ATG16L2: variants seen among roughly 807,000 people sequenced by gnomAD.
ATG16L2 encodes autophagy related 16 like 2.
In ATG16L2, 77 loss-of-function variants were observed where a neutral mutation model predicts 84.7. The ratio of observed to expected loss-of-function variants is 0.91; its 90% CI spans 0.76 to 1.10. ATG16L2 has a LOEUF of 1.10. Among genes scored for constraint, ATG16L2 ranks in the 50% least tolerant of loss-of-function variants. The pLI is 0.00. For missense variants in ATG16L2, 782 were observed against 817.6 expected, an observed-to-expected ratio of 0.96 and a Z score of 0.53; for synonymous variants, 361 against 342.8, an observed-to-expected ratio of 1.05 and a Z score of -0.59.
At chr11:72,829,172 G>A in intron 17 of ATG16L2, 131 bp from the exon 18 acceptor site, 1 of 1,157,862 alleles carries the variant, frequency 8.6e-7, no homozygotes, top group Non-Finnish European at 1.2e-6. Context: ...AGCCCTGTGA[G>A]CTAACTTGAC....
rs745962549 is a variant in ATG16L2, at chr11:72,826,783, C to T, written c.1326C>T (p.Arg442=). 1.1e-5 allele frequency: 18 copies of T among 1,613,936 alleles called. No individual in the cohort carries two copies. The highest frequency in any genetic ancestry group is 1.7e-5 in the Admixed American group (1 of 60,000). Residue 442 remains arginine, a synonymous_variant, in exon 13 of 18, where the codon CGC becomes CGT. Transcript: ENST00000321297. ...LTRHQAVTGS[R]DRTVKEWDLG... The stretch of plus-strand genomic sequence containing the variant: ...GGCACCAGGCAGTGACTGGGAGCCG[C>T]GACCGGACAGTGAAGGAGTGGGACC...
At chr11:72,838,796 C>T in intron 5 of ATG16L2, 1 of 1,600,898 alleles carries the variant, frequency 6.2e-7, no homozygotes, top group Non-Finnish European at 8.5e-7. Flanking sequence ...CATCATCACA[C>T]CAGTGTGATT....
downstream of ATG16L2, among the ~76,000 whole-genome samples, chr11:72,833,964 C>G (rs1860662255): frequency 6.6e-6 from 1 of 150,468 alleles, no homozygotes; most frequent in Non-Finnish European, 1.5e-5. Flanking sequence ...TATTCCCAGA[C>G]CAGAGCTCTC....
intron 5 of ATG16L2, chr11:72,839,011 C>G: frequency 1.5e-6 from 1 of 672,600 alleles, no homozygotes. Context: ...CACGTGCTTT[C>G]AACCTAGTCT....
At chr11:72,842,222 G>A (rs1411598791) in intron 5 of ATG16L2, among the ~76,000 whole-genome samples, 1 of 152,206 alleles carries the variant, frequency 6.6e-6, no homozygotes, top group Non-Finnish European at 1.5e-5. Context: ...GGCAGGACCT[G>A]GACTAGGCAA....
downstream of ATG16L2, among the ~76,000 whole-genome samples, chr11:72,832,814 G>A (rs982079429): frequency 4.6e-5 from 7 of 152,212 alleles, no homozygotes; most frequent in African/African-American, 1.7e-4. Flanking sequence ...CAAAGGGGCT[G>A]GCCAGGGCTT....
At chr11:72,828,638 C>T in intron 15 of ATG16L2, 91 bp from the exon 16 acceptor site, 5 of 1,594,360 alleles carry the variant, frequency 3.1e-6, no homozygotes, top group Non-Finnish European at 4.3e-6. Context: ...GGTACCAAAC[C>T]CCTCGACAAA....
At chr11:72,821,187 T>A (rs907873797) in intron 3 of ATG16L2, 1 of 984,026 alleles carries the variant, frequency 1.0e-6, no homozygotes, top group African/African-American at 1.7e-5. Flanking sequence ...GTCGGTGTCC[T>A]TGTCTGTGAA....
intron 14 of ATG16L2, 80 bp from the exon 15 acceptor site, chr11:72,828,279 G>A: frequency 1.3e-6 from 2 of 1,541,402 alleles, no homozygotes; most frequent in Non-Finnish European, 1.8e-6. Context: ...AGCTAGGAAG[G>A]CTGCTGCGCC....
intron 5 of ATG16L2, chr11:72,838,810 A>C (rs1405386501): frequency 6.2e-7 from 1 of 1,605,594 alleles, no homozygotes; most frequent in East Asian, 2.2e-5. Context: ...TGTGATTTCC[A>C]CATCTTCAAT....
At chr11:72,826,367 C>T (rs1860355117) in intron 11 of ATG16L2, 124 bp downstream of exon 11, 7 of 1,422,712 alleles carry the variant, frequency 4.9e-6, no homozygotes, top group Non-Finnish European at 6.7e-6. Context: ...TGGGCTCTTA[C>T]ACAGATCCTC....
chr11:72,829,100 G>A (rs558234726), intron 17 of ATG16L2, 116 bp downstream of exon 17: 174 of 1,179,922 alleles, frequency 1.5e-4, no homozygotes, highest in Non-Finnish European at 2.0e-4. Context: ...CCTTCCACCC[G>A]ACCAGAGCCC....
In ATG16L2 at chr11:72,822,145, C is replaced by T. The variant is rs1439072715; in HGVS notation, c.494C>T (p.Ala165Val). 6.7e-6 allele frequency: 10 copies of T among 1,499,570 alleles called. No individual in the cohort carries two copies. The highest frequency in any genetic ancestry group is 1.3e-5 in the South Asian group (1 of 79,230). The allele number at this position is 1,499,570 out of a possible 1,614,324, so 92.9% of individuals were successfully genotyped here. A position where few individuals can be genotyped will look rare whatever the true frequency, so the allele number is the denominator to read the frequency against. ...CGGGCGCAGAATGCGGTGCAGCGGGCAGCCTACGAGGCGCTGCGCGCGCAC... is the reference window on the plus strand; with the variant it reads ...CGGGCGCAGAATGCGGTGCAGCGGGTAGCCTACGAGGCGCTGCGCGCGCAC... ...EWRAQNAVQR[A>V]AYEALRAHVG... is the part of the protein sequence containing the mutation. The change falls in exon 5 of 18, where the codon GCA (alanine) becomes GTA (valine). Residue 165 changes from alanine to valine, a missense_variant. Coordinates refer to ENST00000321297, the MANE Select transcript of ATG16L2 (RefSeq NM_033388.2). This position sits in a 1 kb window ranked among gnomAD's most constrained non-coding sequence, Gnocchi z 4.2.
intron 1 of ATG16L2, chr11:72,815,778 T>G (rs1234992855): frequency 1.3e-5 from 2 of 151,942 alleles, no homozygotes; most frequent in African/African-American, 4.8e-5. Context: ...GGAAGGAAGT[T>G]GATGAGGAGG....
intron 3 of ATG16L2, among the ~76,000 whole-genome samples, chr11:72,820,637 C>T (rs1328670058): frequency 6.6e-6 from 1 of 152,212 alleles, no homozygotes; most frequent in Non-Finnish European, 1.5e-5. Context: ...TCACATAGCG[C>T]GTCATGTCAG....
chr11:72,822,551 T>A lies in ATG16L2; in HGVS notation c.710+8T>A. The A allele has an allele frequency of 6.2e-7, 1 of 1,610,876 alleles. No individual in the cohort carries two copies. The highest frequency in any genetic ancestry group is 8.5e-7 in the Non-Finnish European group (1 of 1,178,858). On this transcript the variant is annotated splice_region_variant and intron_variant, in intron 6 of 17. Coordinates refer to ENST00000321297, the MANE Select transcript of ATG16L2 (RefSeq NM_033388.2). The surrounding 1 kb of genome is among the most constrained non-coding windows in gnomAD (Gnocchi z 4.2). ...GACCGTGAGCATCAGCGAGTAAGAG[T>A]GGGGATGGGCCGGTCCGACCCTTGC... is the stretch of plus-strand genomic sequence containing the variant.
At chr11:72,816,244 C>G (rs568533603) in intron 1 of ATG16L2, 3 of 153,320 alleles carry the variant, frequency 2.0e-5, no homozygotes, top group Admixed American at 6.5e-5. Flanking sequence ...CCTCCCAGAG[C>G]GCTGGGAATT....
In ATG16L2 at chr11:72,822,720, C is replaced by G. The variant is rs992814859; in HGVS notation, c.711-128C>G. On this transcript the variant is annotated intron_variant, in intron 6 of 17. Coordinates refer to ENST00000321297, the MANE Select transcript of ATG16L2 (RefSeq NM_033388.2). This position sits in a 1 kb window ranked among gnomAD's most constrained non-coding sequence, Gnocchi z 4.2. ...TGGTCGTAGGAGCCTGCATGCGTGA[C>G]CGCTGCACGTGTACACCCACACAGA... is the stretch of plus-strand genomic sequence containing the variant. 8 of 1,025,192 alleles carry G rather than the reference C, an allele frequency of 7.8e-6. No individual in the cohort carries two copies. The Admixed American group carries it at 1.9e-4, about 25-fold the overall frequency. The allele number at this position is 1,025,192 out of a possible 1,614,324, so 63.5% of individuals were successfully genotyped here. A position where few individuals can be genotyped will look rare whatever the true frequency, so the allele number is the denominator to read the frequency against.
intron 7 of ATG16L2, 199 bp from the exon 8 acceptor site, chr11:72,823,861 A>C: frequency 1.3e-6 from 1 of 746,604 alleles, no homozygotes; most frequent in Non-Finnish European, 2.5e-6. Context: ...GACTTTCATT[A>C]CCAAATCCAT....
Sources: gnomAD v4.1 joint callset for allele counts (sites outside exome capture counted in the v4.1 genomes callset) on GRCh38, gnomAD v4.1.1 for gene constraint, Gnocchi (gnomAD v3.1) non-coding constraint, MANE v1.5 for transcripts, NCBI Gene and HGNC (gene_info 2026-07-23, HGNC 2026-07-21) for gene names.